The following COX7B2 variants were observed in gnomAD, a reference collection of about 807,000 sequenced individuals.
COX7B2 encodes cytochrome c oxidase subunit 7B2, also known as cytochrome c oxidase subunit 7B2, mitochondrial.
For synonymous variants in COX7B2, 37 were observed against 32.1 expected, an observed-to-expected ratio of 1.15 and a Z score of -0.51; for missense variants, 109 against 95.9, an observed-to-expected ratio of 1.14 and a Z score of -0.57.
intron 2 of COX7B2, among the ~76,000 whole-genome samples, chr4:46,820,846 T>TAGATAGATAGATAGATAG (rs1277124266): frequency 6.8e-6 from 1 of 147,340 alleles, no homozygotes; most frequent in African/African-American, 2.5e-5. Flanking sequence ...TATATATATA[T>TAGATAGATAGATAGATAG]ATATATAGAT....
At chr4:46,840,865 G>A (rs185911261) in intron 2 of COX7B2, among the ~76,000 whole-genome samples, 5 of 152,068 alleles carry the variant, frequency 3.3e-5, no homozygotes, top group African/African-American at 1.2e-4. Context: ...GTCTGGGAAG[G>A]ATTACAGTAA....
chr4:46,879,733 A>G lies in COX7B2; in HGVS notation c.-105+29427T>C, dbSNP rs182945792. Reference sequence around the variant, plus strand: ...AGAAAACGAAGACCTCAAAAAAAAAAAAGCCAATTGAGACATATTTTGTTT... The same window carrying G: ...AGAAAACGAAGACCTCAAAAAAAAAGAAGCCAATTGAGACATATTTTGTTT... On this transcript the variant is annotated intron_variant, in intron 1 of 2. Transcript: ENST00000355591. Among the ~76,000 whole-genome samples, 488 of 152,182 alleles carry G rather than the reference A, an allele frequency of 3.2e-3. 2 individuals carry two copies. Among genetic ancestry groups the G allele is most frequent in the Non-Finnish European group, 4.8e-3 (329 of 67,994 alleles).
At chr4:46,851,397 C>T (rs551114514) in intron 1 of COX7B2, among the ~76,000 whole-genome samples, 1 of 152,058 alleles carries the variant, frequency 6.6e-6, no homozygotes, top group Non-Finnish European at 1.5e-5. Flanking sequence ...ATTTTAATAG[C>T]ATTTTAAACA....
chr4:46,737,203 C>G (rs1285346466), intron 2 of COX7B2, among the ~76,000 whole-genome samples: 1 of 152,130 alleles, frequency 6.6e-6, no homozygotes, highest in South Asian at 2.1e-4. Context: ...TGTCCAGCAT[C>G]TTTTTATATG....
chr4:46,895,865 T>A (rs570732557), intron 1 of COX7B2, among the ~76,000 whole-genome samples: 3 of 152,294 alleles, frequency 2.0e-5, no homozygotes, highest in African/African-American at 7.2e-5. Context: ...TAATTACAAT[T>A]AGACTTGAAG....
intron 2 of COX7B2, among the ~76,000 whole-genome samples, chr4:46,790,494 G>A (rs963998156): frequency 2.0e-5 from 3 of 152,040 alleles, no homozygotes; most frequent in Non-Finnish European, 4.4e-5. Context: ...TTATTGCTGG[G>A]CTTATCTTAT....
At chr4:46,872,830 T>C (rs1251778270) in intron 1 of COX7B2, among the ~76,000 whole-genome samples, 1 of 152,166 alleles carries the variant, frequency 6.6e-6, no homozygotes, top group African/African-American at 2.4e-5. Flanking sequence ...GTGTTAATTT[T>C]TTTTTATTAT....
At chr4:46,737,776 G>C (rs1359596464) in intron 2 of COX7B2, among the ~76,000 whole-genome samples, 1 of 152,052 alleles carries the variant, frequency 6.6e-6, no homozygotes, top group Admixed American at 6.6e-5. Context: ...AGGCAACACA[G>C]ATATAAAAGG....
At chr4:46,818,857 C>T (rs1011104575) in intron 2 of COX7B2, among the ~76,000 whole-genome samples, 3 of 152,172 alleles carry the variant, frequency 2.0e-5, no homozygotes, top group Non-Finnish European at 4.4e-5. Flanking sequence ...TCTGTGCTAA[C>T]GACTTTAGAT....
At chr4:46,745,947 A>C (rs189807977) in intron 2 of COX7B2, among the ~76,000 whole-genome samples, 1 of 152,310 alleles carries the variant, frequency 6.6e-6, no homozygotes, top group African/African-American at 2.4e-5. Context: ...GGGCACCCCT[A>C]AACTAAATTA....
intron 2 of COX7B2, among the ~76,000 whole-genome samples, chr4:46,763,603 C>A (rs1577677458): frequency 6.6e-6 from 1 of 152,048 alleles, no homozygotes; most frequent in South Asian, 2.1e-4. Context: ...TTATAACTAT[C>A]TCCCTACTCT....
chr4:46,826,517 C>A (rs1714702571), intron 2 of COX7B2, among the ~76,000 whole-genome samples: 1 of 151,418 alleles, frequency 6.6e-6, no homozygotes, highest in South Asian at 2.1e-4. Context: ...TTCCATTATT[C>A]CCCAAAATAT....
At chr4:46,837,849 AT>A (rs1014599248) in intron 2 of COX7B2, among the ~76,000 whole-genome samples, 2 of 152,062 alleles carry the variant, frequency 1.3e-5, no homozygotes, top group Non-Finnish European at 2.9e-5. Context: ...AGGATAAGGT[AT>A]GGGGAATAAT....
chr4:46,837,070 T>G (rs533671423), intron 2 of COX7B2, among the ~76,000 whole-genome samples: 17 of 152,158 alleles, frequency 1.1e-4, no homozygotes, highest in Non-Finnish European at 1.6e-4. Flanking sequence ...TGAGATATGT[T>G]CATCTTAACA....
At position 46,841,769 on chromosome 4, in the gene COX7B2, G is replaced by C. The variant is rs143612268; in HGVS notation, c.-50+3191C>G. 4.5e-3 allele frequency among the ~76,000 whole-genome samples: 678 copies of C among 152,052 alleles called. 6 individuals carry two copies. Among genetic ancestry groups the C allele is most frequent in the African/African-American group, 0.016 (657 of 41,524 alleles). On this transcript the variant is annotated intron_variant, in intron 2 of 2. Transcript: ENST00000355591. ...TGTTCACGCTGCATTTCTGTGATGA[G>C]CTACTTAGTAGCCTTCAAAACTACT...
chr4:46,814,260 C>A (rs184627084), intron 2 of COX7B2, among the ~76,000 whole-genome samples: 1 of 152,336 alleles, frequency 6.6e-6, no homozygotes. Context: ...AAACTTGCAG[C>A]AGTTTCAGAT....
rs116661499 is a variant in COX7B2 at position 46,847,073 on chromosome 4, C to T, written c.-104-2059G>A. 4.4e-3 allele frequency among the ~76,000 whole-genome samples: 675 copies of T among 151,976 alleles called. 6 individuals carry two copies. The highest frequency in any genetic ancestry group is 0.016 in the African/African-American group (654 of 41,470). ...ATCAAATTTAACACCATAGATATAGCCGTTGAGATGTAAGAAGAAATGAGT... is the reference window on the plus strand; with the variant it reads ...ATCAAATTTAACACCATAGATATAGTCGTTGAGATGTAAGAAGAAATGAGT... On this transcript the variant is annotated intron_variant, in intron 1 of 2. Transcript: ENST00000355591.
chr4:46,835,046 A>T (rs1484886167), intron 2 of COX7B2, among the ~76,000 whole-genome samples: 1 of 152,190 alleles, frequency 6.6e-6, no homozygotes, highest in Non-Finnish European at 1.5e-5. Flanking sequence ...TCATAATAAG[A>T]GAAATAAAAG....
chr4:46,806,395 A>C (rs990218320), intron 2 of COX7B2, among the ~76,000 whole-genome samples: 2 of 152,156 alleles, frequency 1.3e-5, no homozygotes, highest in African/African-American at 2.4e-5. Context: ...AATATTCATA[A>C]GTTTTTTGTT....
Sources: allele counts gnomAD v4.1 joint callset (sites outside exome capture counted in the v4.1 genomes callset), GRCh38; gene constraint gnomAD v4.1.1; transcripts MANE v1.5; gene names NCBI Gene and HGNC (gene_info 2026-07-23, HGNC 2026-07-21).